The following PREX1 variants were observed in gnomAD, a reference collection of about 807,000 sequenced individuals.
PREX1 encodes phosphatidylinositol-3,4,5-trisphosphate dependent Rac exchange factor 1.
PREX1 carries 41 observed loss-of-function variants against 198.3 expected under a neutral mutation model. The ratio of observed to expected loss-of-function variants is 0.21; its 90% confidence interval spans 0.16 to 0.27. PREX1 has a LOEUF of 0.27. Ranked by LOEUF, PREX1 falls within the 10% of genes least tolerant of loss-of-function variation. The pLI is 1.00. For synonymous variants in PREX1, 843 were observed against 887.2 expected, an observed-to-expected ratio of 0.95 and a Z score of 0.89; for missense variants, 1,620 against 2,200.7, an observed-to-expected ratio of 0.74 and a Z score of 5.28.
rs376093474 is a variant in PREX1, at chr20:48,700,899, T to C, written c.784-13A>G. On this transcript the variant is annotated splice_polypyrimidine_tract_variant and intron_variant, in intron 6 of 39. Coordinates refer to ENST00000371941, the MANE Select transcript of PREX1 (RefSeq NM_020820.4). ...TGAGGTTGGAACCCTGGAAGCGCAA[T>C]GAGGACACAGTGAATGAGCCAACCC... 3.7e-5 allele frequency: 59 copies of C among 1,613,952 alleles called. No homozygotes were observed. The highest frequency in any genetic ancestry group is 4.6e-5 in the Non-Finnish European group (54 of 1,179,980).
At chr20:48,709,337 G>A (rs2089919683) in intron 5 of PREX1, among the ~76,000 whole-genome samples, 1 of 152,118 alleles carries the variant, frequency 6.6e-6, no homozygotes, top group Non-Finnish European at 1.5e-5. Flanking sequence ...CTCCCTCGAC[G>A]ATCCAGATAA....
upstream of PREX1, among the ~76,000 whole-genome samples, chr20:48,830,386 C>T (rs534010965): frequency 2.0e-5 from 3 of 152,286 alleles, no homozygotes; most frequent in Admixed American, 1.3e-4. Flanking sequence ...AAAGTGTCTC[C>T]AGACATTGCC....
At chr20:48,634,035 A>G (rs1046288528) in intron 33 of PREX1, among the ~76,000 whole-genome samples, 1 of 133,232 alleles carries the variant, frequency 7.5e-6, no homozygotes, top group South Asian at 2.7e-4. Context: ...GGATCGATGG[A>G]TGAATGGATG....
intron 1 of PREX1, among the ~76,000 whole-genome samples, chr20:48,790,042 A>C (rs1250267952): frequency 6.6e-6 from 1 of 152,184 alleles, no homozygotes; most frequent in Non-Finnish European, 1.5e-5. Flanking sequence ...TGTAGTTAAG[A>C]GTGTGGGCTT....
rs763048250 is a variant in PREX1 at position 48,747,854 on chromosome 20, G to T, written c.246C>A (p.Asn82Lys). Reference protein sequence around the residue: ...QSAFLHRIRQNVADSVEKGLT... With the variant: ...QSAFLHRIRQKVADSVEKGLT... ...GGCCCTTCTCCACTGAGTCGGCCAC[G>T]TTCTGCCGGATGCGATGCAGGAATG... Residue 82 changes from asparagine to lysine, a missense_variant, in exon 2 of 40, where the codon AAC becomes AAA. This residue lies in a region of PREX1 where 488 missense variants were observed against 802.5 expected (regional missense o/e 0.61). Transcript: ENST00000371941. 1 of 1,613,530 alleles carries T rather than the reference G, an allele frequency of 6.2e-7. No homozygotes were observed. Among genetic ancestry groups the T allele is most frequent in the Non-Finnish European group, 8.5e-7 (1 of 1,179,818 alleles).
chr20:48,688,983 C>T (rs1293766360), intron 9 of PREX1, among the ~76,000 whole-genome samples, 179 bp from the exon 10 acceptor site: 1 of 152,192 alleles, frequency 6.6e-6, no homozygotes, highest in Non-Finnish European at 1.5e-5. Flanking sequence ...CTGCCCTAGG[C>T]ACCTGCCAAT....
chr20:48,873,479 C>T, the PREX1 span, among the ~76,000 whole-genome samples: 4 of 148,168 alleles, frequency 2.7e-5, no homozygotes, highest in East Asian at 2.0e-4. Flanking sequence ...GAGGCCAAGA[C>T]GGGCAGGTCA....
intron 18 of PREX1, 58 bp downstream of exon 18, chr20:48,656,982 C>T: frequency 1.3e-6 from 2 of 1,528,664 alleles, no homozygotes; most frequent in Non-Finnish European, 1.8e-6. Context: ...CCCCAGCCCT[C>T]AGCCACCACT....
the PREX1 span, among the ~76,000 whole-genome samples, chr20:48,864,561 G>A: frequency 6.6e-6 from 1 of 152,208 alleles, no homozygotes; most frequent in African/African-American, 2.4e-5. Context: ...TCAGAGAGGT[G>A]AAATCATGAA....
At chr20:48,711,357 G>A (rs893421377) in intron 5 of PREX1, among the ~76,000 whole-genome samples, 10 of 152,068 alleles carry the variant, frequency 6.6e-5, no homozygotes, top group Admixed American at 3.9e-4. Flanking sequence ...AATTCCATTC[G>A]ATCCTGCAAA....
intron 11 of PREX1, among the ~76,000 whole-genome samples, chr20:48,680,850 C>T (rs1280705493): frequency 6.6e-6 from 1 of 151,778 alleles, no homozygotes; most frequent in Non-Finnish European, 1.5e-5. Flanking sequence ...TCTTATCGTC[C>T]CCTCCAACTA....
chr20:48,633,946 G>A (rs1157094993), intron 33 of PREX1, among the ~76,000 whole-genome samples: 1 of 152,188 alleles, frequency 6.6e-6, no homozygotes, highest in South Asian at 2.1e-4. Flanking sequence ...TCAAAATTAT[G>A]GACATGTAAA....
At chr20:48,702,240 G>A (rs1361100234) in intron 6 of PREX1, among the ~76,000 whole-genome samples, 2 of 151,816 alleles carry the variant, frequency 1.3e-5, no homozygotes, top group East Asian at 3.9e-4. Flanking sequence ...AGAGGCTGAG[G>A]GCAGGGATGG....
intron 30 of PREX1, among the ~76,000 whole-genome samples, chr20:48,638,051 C>G (rs1484481138): frequency 2.0e-5 from 3 of 152,160 alleles, no homozygotes. Context: ...ACACCTTGTT[C>G]ACATAAGTAT....
At chr20:48,688,244 G>A (rs1471461076) in intron 10 of PREX1, among the ~76,000 whole-genome samples, 5 of 152,088 alleles carry the variant, frequency 3.3e-5, no homozygotes, top group Non-Finnish European at 5.9e-5. Context: ...TTTTCAAACC[G>A]TTAGTGCTTT....
intron 3 of PREX1, among the ~76,000 whole-genome samples, chr20:48,737,193 G>A (rs544789696): frequency 1.1e-4 from 15 of 133,778 alleles, no homozygotes; most frequent in African/African-American, 3.2e-4. Flanking sequence ...GGGTAGGGCA[G>A]TAGGTGGGAA....
the PREX1 span, among the ~76,000 whole-genome samples, chr20:48,855,668 G>A: frequency 6.6e-6 from 1 of 152,212 alleles, no homozygotes; most frequent in Non-Finnish European, 1.5e-5. Context: ...GGAGGCCAAG[G>A]AGGGTGGATC....
intron 10 of PREX1, 126 bp from the exon 11 acceptor site, chr20:48,681,461 G>A (rs1424730637): frequency 1.3e-5 from 11 of 857,538 alleles, no homozygotes; most frequent in East Asian, 7.4e-5. Flanking sequence ...CAGGGAAGCC[G>A]AGTGTAGTAG....
intron 1 of PREX1, among the ~76,000 whole-genome samples, chr20:48,769,722 T>C (rs1181262876): frequency 6.6e-6 from 1 of 152,202 alleles, no homozygotes; most frequent in Admixed American, 6.5e-5. Flanking sequence ...ACTCTGCTCC[T>C]TCAGGTCTCT....
Sources: allele counts gnomAD v4.1 joint callset (sites outside exome capture counted in the v4.1 genomes callset), GRCh38; gene constraint gnomAD v4.1.1; regional missense constraint gnomAD v4.1.1; transcripts MANE v1.5; gene names NCBI Gene and HGNC (gene_info 2026-07-23, HGNC 2026-07-21).